Variants in CLEC19A observed in about 807,000 individuals in gnomAD.
The protein encoded by CLEC19A is C-type lectin domain containing 19A.
A neutral mutation model predicts 26.1 loss-of-function variants in CLEC19A; 21 were observed. That is an observed-to-expected ratio of 0.80 (90% CI 0.57 to 1.16). The LOEUF is 1.16. Among genes scored for constraint, CLEC19A ranks in the 50% most tolerant of loss-of-function variants. The pLI is 0.00. For missense variants in CLEC19A, 224 were observed against 227.6 expected (o/e 0.98, Z 0.10); for synonymous variants, 89 against 88.6 (o/e 1.00, Z -0.03).
At chr16:19,286,080 C>T in intron 1 of CLEC19A, 141 bp downstream of exon 1, 1 of 774,080 alleles carries the variant, frequency 1.3e-6, no homozygotes, top group South Asian at 1.7e-5. Context: ...CCCCTACCAG[C>T]TTTGTCATGG....
At chr16:19,286,631 C>T (rs1231315772) in intron 1 of CLEC19A, among the ~76,000 whole-genome samples, 2 of 152,330 alleles carry the variant, frequency 1.3e-5, no homozygotes, top group South Asian at 2.1e-4. Context: ...GGGGGACCCT[C>T]ATCTGGATGA....
At chr16:19,303,911 G>T (rs946309659) in intron 2 of CLEC19A, 151 bp from the exon 3 acceptor site, 2 of 618,256 alleles carry the variant, frequency 3.2e-6, no homozygotes, top group Admixed American at 5.8e-5. Flanking sequence ...GGCCACATAT[G>T]GGTGACTTAA....
chr16:19,309,642 T>A lies in CLEC19A; in HGVS notation c.*559T>A, dbSNP rs1397138977. 1 of 152,418 alleles carries A rather than the reference T, an allele frequency of 6.6e-6. No homozygotes were observed. Among genetic ancestry groups the A allele is most frequent in the Non-Finnish European group, 1.5e-5 (1 of 68,420 alleles). The allele number at this position is 152,418 out of a possible 1,614,324, so 9.4% of individuals were successfully genotyped here. A position where few individuals can be genotyped will look rare whatever the true frequency, so the allele number is the denominator to read the frequency against. On this transcript the variant is annotated 3_prime_UTR_variant, in exon 5 of 5. Transcript: ENST00000636231. ...TTTGCTACGAGAGTAATTTTTTTTT[T>A]TGAGACAGAGTCTCACTCTGTTGCC... is the stretch of plus-strand genomic sequence containing the variant.
chr16:19,296,497 G>C (rs1020546762), intron 1 of CLEC19A, among the ~76,000 whole-genome samples: 3 of 152,148 alleles, frequency 2.0e-5, no homozygotes, highest in African/African-American at 7.2e-5. Flanking sequence ...GGCCCAATCA[G>C]TTGACCCAGT....
rs929025438 is a variant in CLEC19A, at chr16:19,286,005, G to C, written c.88+66G>C. 4.1e-6 allele frequency: 6 copies of C among 1,456,362 alleles called. No homozygotes were observed. The African/African-American group carries it at 5.6e-5, about 14-fold the overall frequency. 90.2% of individuals were successfully genotyped at this position (1,456,362 alleles called of 1,614,324 possible). ...TACACTCTCAGGAACTTATTCTATC[G>C]GTGAGGCCTGGCAGCTTCTGTTGGG... is the stretch of plus-strand genomic sequence containing the variant. On this transcript the variant is annotated intron_variant, in intron 1 of 4. Coordinates refer to ENST00000636231, the MANE Select transcript of CLEC19A (RefSeq NM_001256720.2).
chr16:19,304,720 C>T (rs1897914380), intron 3 of CLEC19A, among the ~76,000 whole-genome samples: 1 of 150,662 alleles, frequency 6.6e-6, no homozygotes, highest in South Asian at 2.1e-4. Context: ...AAAGAAGACA[C>T]TAAAACATGA....
At chr16:19,307,515 T>C in intron 3 of CLEC19A, 30 bp from the exon 4 acceptor site, 1 of 1,546,236 alleles carries the variant, frequency 6.5e-7, no homozygotes, top group Non-Finnish European at 8.7e-7. Context: ...TTGGCTTGCT[T>C]CTTTGTCTCT....
chr16:19,288,508 C>T (rs935627055), intron 1 of CLEC19A, among the ~76,000 whole-genome samples: 8 of 152,130 alleles, frequency 5.3e-5, no homozygotes, highest in Non-Finnish European at 8.8e-5. Context: ...TCACCCACCC[C>T]TTGCATATGC....
At chr16:19,302,535 A>G (rs1166406916) in intron 2 of CLEC19A, among the ~76,000 whole-genome samples, 1 of 152,192 alleles carries the variant, frequency 6.6e-6, no homozygotes, top group East Asian at 1.9e-4. Flanking sequence ...TTTTGAAGCG[A>G]AGTATTAGGT....
At chr16:19,300,078 G>T (rs1423018661) in intron 2 of CLEC19A, among the ~76,000 whole-genome samples, 1 of 151,978 alleles carries the variant, frequency 6.6e-6, no homozygotes, top group Non-Finnish European at 1.5e-5. Flanking sequence ...ACAAAAATTA[G>T]CCAGGTGCAG....
At chr16:19,298,998 C>G (rs1250659331) in intron 2 of CLEC19A, among the ~76,000 whole-genome samples, 160 bp downstream of exon 2, 1 of 152,224 alleles carries the variant, frequency 6.6e-6, no homozygotes, top group Non-Finnish European at 1.5e-5. Flanking sequence ...CTCTTGAACT[C>G]CTGAGCTCAA....
Position 19,305,624 on chromosome 16 carries a change from A to T in CLEC19A, c.348+1469A>T, listed in dbSNP as rs963060545. On this transcript the variant is annotated intron_variant, in intron 3 of 4. Transcript: ENST00000636231. ...TGGCAGGTGACTTTGTGCAAATTTAAAAAACCTCTCTGAGCCTCAGTTTTT... is the reference window on the plus strand; with the variant it reads ...TGGCAGGTGACTTTGTGCAAATTTATAAAACCTCTCTGAGCCTCAGTTTTT... Among the ~76,000 whole-genome samples the T allele has an allele frequency of 9.2e-5, 14 of 152,334 alleles. No homozygotes were observed. In the South Asian group the frequency reaches 1.9e-3, roughly 20 times the overall value.
intron 3 of CLEC19A, 62 bp from the exon 4 acceptor site, chr16:19,307,483 G>A: frequency 6.5e-7 from 1 of 1,537,402 alleles, no homozygotes; most frequent in Non-Finnish European, 8.8e-7. Flanking sequence ...GAGCTGCCTG[G>A]CTCAAATGCC....
In CLEC19A at chr16:19,302,408, C is replaced by T. The variant is rs192271899; in HGVS notation, c.255-1654C>T. Among the ~76,000 whole-genome samples, 4 of 152,286 alleles carry T rather than the reference C, an allele frequency of 2.6e-5. No homozygotes were observed. The East Asian group carries it at 5.8e-4, about 22-fold the overall frequency. ...TGGAAGAAGCTGATGGGAGCAGATA[C>T]ACCTTATTGCAACATAAAGGGTACC... On this transcript the variant is annotated intron_variant, in intron 2 of 4. Transcript: ENST00000636231.
In CLEC19A at chr16:19,285,790, G is replaced by A; in HGVS notation, c.-62G>A. Reference sequence around the variant, plus strand: ...CCTAGGAGAGCAATCCTGGACCCAAGCTCCAGCCAAAAAGCCTCTCTCCTC... The same window carrying A: ...CCTAGGAGAGCAATCCTGGACCCAAACTCCAGCCAAAAAGCCTCTCTCCTC... On this transcript the variant is annotated 5_prime_UTR_variant, in exon 1 of 5. Coordinates refer to ENST00000636231, the MANE Select transcript of CLEC19A (RefSeq NM_001256720.2). 1 of 1,462,328 alleles carries A rather than the reference G, an allele frequency of 6.8e-7. No individual in the cohort carries two copies. Among genetic ancestry groups the A allele is most frequent in the East Asian group, 2.5e-5 (1 of 40,450 alleles). 90.6% of individuals were successfully genotyped at this position (1,462,328 alleles called of 1,614,324 possible). A position where few individuals can be genotyped will look rare whatever the true frequency, so the allele number is the denominator to read the frequency against.
At chr16:19,304,425 G>A (rs929881910) in intron 3 of CLEC19A, 6 of 311,152 alleles carry the variant, frequency 1.9e-5, no homozygotes, top group African/African-American at 1.1e-4. Flanking sequence ...ACACTAGGCC[G>A]GGTGTGGAGG....
intron 4 of CLEC19A, among the ~76,000 whole-genome samples, chr16:19,308,236 G>T (rs1897996915): frequency 6.6e-6 from 1 of 152,192 alleles, no homozygotes; most frequent in South Asian, 2.1e-4. Context: ...CTGCTGTGAG[G>T]ATTAAAGGAG....
At chr16:19,287,086 C>T (rs944918157) in intron 1 of CLEC19A, among the ~76,000 whole-genome samples, 2 of 144,606 alleles carry the variant, frequency 1.4e-5, no homozygotes, top group Non-Finnish European at 3.0e-5. Context: ...AGTCTTAGCT[C>T]ATTTGGGCAA....
intron 1 of CLEC19A, 47 bp downstream of exon 1, chr16:19,285,986 C>T: frequency 2.0e-6 from 3 of 1,522,600 alleles, no homozygotes; most frequent in Non-Finnish European, 1.8e-6. Flanking sequence ...GGAGTACACT[C>T]TCAGGAACTT....
Sources: allele counts gnomAD v4.1 joint callset (sites outside exome capture counted in the v4.1 genomes callset), GRCh38; gene constraint gnomAD v4.1.1; transcripts MANE v1.5; gene names NCBI Gene and HGNC (gene_info 2026-07-23, HGNC 2026-07-21).